The following SFMBT2 variants were observed in gnomAD, a reference collection of about 807,000 sequenced individuals.
The protein encoded by SFMBT2 is scm-like with four MBT domains protein 2.
A neutral mutation model predicts 110.1 loss-of-function variants in SFMBT2; 38 were observed. That is an observed-to-expected ratio of 0.35 (90% CI 0.27 to 0.45). The LOEUF (loss-of-function observed/expected upper bound fraction) is 0.45. Among genes scored for constraint, SFMBT2 ranks in the 20% least tolerant of loss-of-function variants. The pLI, the probability that SFMBT2 is intolerant of heterozygous loss-of-function variation, is 1.00. For synonymous variants in SFMBT2, 425 were observed against 425.4 expected (o/e 1.00, Z 0.01); for missense variants, 1,011 against 1,094.9 (o/e 0.92, Z 1.08).
At chr10:7,359,300 C>T (rs950691435) in intron 4 of SFMBT2, among the ~76,000 whole-genome samples, 9 of 152,214 alleles carry the variant, frequency 5.9e-5, no homozygotes, top group African/African-American at 2.2e-4. Flanking sequence ...CCGTGATCAT[C>T]TGAGCTGCAT....
Position 7,172,236 on chromosome 10 carries a change from C to T in SFMBT2, c.2152-78G>A, listed in dbSNP as rs975562882. The T allele has an allele frequency of 5.4e-6, 8 of 1,492,284 alleles. No individual in the cohort carries two copies. In the African/African-American group the frequency reaches 9.8e-5, roughly 18 times the overall value. 92.4% of individuals were successfully genotyped at this position (1,492,284 alleles called of 1,614,324 possible). ...GGTGGCCCCGCGGTCAGACCCTGGGCCCAGTGCAGACCACCTAGCAAACCC... is the reference window on the plus strand; with the variant it reads ...GGTGGCCCCGCGGTCAGACCCTGGGTCCAGTGCAGACCACCTAGCAAACCC... On this transcript the variant is annotated intron_variant, in intron 18 of 20. Transcript: ENST00000397167. This position sits in a 1 kb window ranked among gnomAD's most constrained non-coding sequence, Gnocchi z 4.6.
chr10:7,225,781 T>C (rs139800817), intron 10 of SFMBT2, among the ~76,000 whole-genome samples: 12 of 152,226 alleles, frequency 7.9e-5, no homozygotes, highest in African/African-American at 2.9e-4. Flanking sequence ...AGGATTTTCT[T>C]CCAAAAGTTA....
intron 4 of SFMBT2, among the ~76,000 whole-genome samples, chr10:7,344,958 CAAAAAAAAAAA>C (rs35145669): frequency 7.5e-5 from 4 of 53,244 alleles, no homozygotes; most frequent in African/African-American, 1.5e-4. Flanking sequence ...GACTCTGTCT[CAAAAAAAAAAA>C]AAAAAAAAAA....
At chr10:7,338,797 C>T (rs755871833) in intron 4 of SFMBT2, among the ~76,000 whole-genome samples, 15 of 152,226 alleles carry the variant, frequency 9.9e-5, no homozygotes, top group Non-Finnish European at 1.5e-4. Context: ...CATTCCCCAG[C>T]GGACACATCC....
chr10:7,349,440 C>CTTTTTTTTTTTTTTTTTTTTTTT lies in SFMBT2; in HGVS notation c.436+18186_436+18208dup, dbSNP rs369479041. On this transcript the variant is annotated intron_variant, in intron 4 of 20. Transcript: ENST00000397167. Reference sequence around the variant, plus strand: ...CCCTGACTCTTTTTTCTTTTCTTTTCTTTTTTTTTTTTTTTTTTTTTTTTT... The same window carrying CTTTTTTTTTTTTTTTTTTTTTTT: ...CCCTGACTCTTTTTTCTTTTCTTTTCTTTTTTTTTTTTTTTTTTTTTTTTTTTTTTTTTTTTTTTTTTTTTTTT... Among the ~76,000 whole-genome samples the CTTTTTTTTTTTTTTTTTTTTTTT allele has an allele frequency of 2.0e-3, 93 of 46,890 alleles. 25 individuals carry two copies. Among genetic ancestry groups the CTTTTTTTTTTTTTTTTTTTTTTT allele is most frequent in the Non-Finnish European group, 2.7e-3 (77 of 28,232 alleles). 30.8% of individuals were successfully genotyped at this position (46,890 alleles called of 152,430 possible).
At chr10:7,297,851 C>T (rs1842447270) in intron 4 of SFMBT2, among the ~76,000 whole-genome samples, 1 of 152,172 alleles carries the variant, frequency 6.6e-6, no homozygotes, top group African/African-American at 2.4e-5. Context: ...AATGTGGCCT[C>T]GACACCTGTA....
chr10:7,205,994 A>C lies in SFMBT2; in HGVS notation c.1331-66T>G, dbSNP rs1816937364. The C allele has an allele frequency of 5.6e-6, 9 of 1,593,646 alleles. No homozygotes were observed. The South Asian group carries it at 7.9e-5, about 14-fold the overall frequency. ...TTACCAACAAAGAAATAGAAGGACA[A>C]CAATAATAGAGCATCCCTAACATGG... is the stretch of plus-strand genomic sequence containing the variant. On this transcript the variant is annotated intron_variant, in intron 11 of 20. Transcript: ENST00000397167.
intron 11 of SFMBT2, among the ~76,000 whole-genome samples, chr10:7,208,405 T>C (rs866902812): frequency 6.6e-6 from 1 of 152,202 alleles, no homozygotes; most frequent in East Asian, 1.9e-4. Context: ...TCATTAAAAG[T>C]AGTACTTCAA....
chr10:7,298,369 C>T (rs1207212704), intron 4 of SFMBT2, among the ~76,000 whole-genome samples: 1 of 152,208 alleles, frequency 6.6e-6, no homozygotes, highest in African/African-American at 2.4e-5. Flanking sequence ...GATGCTCAGA[C>T]TCTCCATCCT....
At chr10:7,212,289 T>A (rs1839376201) in intron 11 of SFMBT2, among the ~76,000 whole-genome samples, 1 of 152,262 alleles carries the variant, frequency 6.6e-6, no homozygotes, top group African/African-American at 2.4e-5. Context: ...CAGTTCTTAA[T>A]GGACTGCTGT....
At chr10:7,311,173 T>C (rs1273424460) in intron 4 of SFMBT2, among the ~76,000 whole-genome samples, 2 of 150,928 alleles carry the variant, frequency 1.3e-5, no homozygotes, top group East Asian at 3.9e-4. Flanking sequence ...TCTTAAGATG[T>C]CCCATTATAC....
chr10:7,264,638 G>A (rs145428467), intron 7 of SFMBT2, among the ~76,000 whole-genome samples: 58 of 152,198 alleles, frequency 3.8e-4, no homozygotes, highest in Middle Eastern at 3.4e-3. Flanking sequence ...CAAATAAAAC[G>A]GAAATAAGCA....
At chr10:7,190,900 T>C (rs1399621624) in intron 15 of SFMBT2, among the ~76,000 whole-genome samples, 2 of 152,308 alleles carry the variant, frequency 1.3e-5, no homozygotes, top group Middle Eastern at 3.4e-3. Flanking sequence ...GGGAGGTAAT[T>C]GAATTGTAGG....
chr10:7,308,950 T>C (rs1313699751), intron 4 of SFMBT2, among the ~76,000 whole-genome samples: 1 of 152,280 alleles, frequency 6.6e-6, no homozygotes, highest in African/African-American at 2.4e-5. Flanking sequence ...GAAATGGATA[T>C]CCAAATGGCT....
chr10:7,317,748 C>A (rs536340963), intron 4 of SFMBT2, among the ~76,000 whole-genome samples: 1 of 151,480 alleles, frequency 6.6e-6, no homozygotes, highest in South Asian at 2.1e-4. Context: ...CTTGTGTGAA[C>A]CTGCGTAAGG....
At chr10:7,390,751 T>C (rs1339624523) in intron 1 of SFMBT2, among the ~76,000 whole-genome samples, 1 of 152,204 alleles carries the variant, frequency 6.6e-6, no homozygotes, top group Non-Finnish European at 1.5e-5. Flanking sequence ...AACTAGACAC[T>C]ACAGAACAGT....
At chr10:7,245,051 C>G (rs1268711494) in intron 8 of SFMBT2, among the ~76,000 whole-genome samples, 1 of 152,176 alleles carries the variant, frequency 6.6e-6, no homozygotes, top group African/African-American at 2.4e-5. Context: ...GCACGGCGAT[C>G]TGGCTCAGGG....
chr10:7,341,138 T>C (rs1041902135), intron 4 of SFMBT2, among the ~76,000 whole-genome samples: 3 of 152,226 alleles, frequency 2.0e-5, no homozygotes, highest in Non-Finnish European at 4.4e-5. Context: ...AGTATTAGCA[T>C]GGAATCAATT....
chr10:7,367,454 C>A lies in SFMBT2; in HGVS notation c.436+195G>T, dbSNP rs1019848846. Among the ~76,000 whole-genome samples the A allele has an allele frequency of 2.0e-5, 3 of 152,178 alleles. No individual in the cohort carries two copies. Among genetic ancestry groups the A allele is most frequent in the Non-Finnish European group, 2.9e-5 (2 of 68,042 alleles). On this transcript the variant is annotated intron_variant, in intron 4 of 20. Transcript: ENST00000397167. The surrounding 1 kb of genome is among the most constrained non-coding windows in gnomAD (Gnocchi z 6.2). ...GCCAAGTTTGGCTCCATTGTCAGCA[C>A]CAGCTCTGACATCTGAAAATGCACT... is the stretch of plus-strand genomic sequence containing the variant.
Sources: gnomAD v4.1 joint callset for allele counts (sites outside exome capture counted in the v4.1 genomes callset) on GRCh38, gnomAD v4.1.1 for gene constraint, Gnocchi (gnomAD v3.1) non-coding constraint, MANE v1.5 for transcripts, NCBI Gene and HGNC (gene_info 2026-07-23, HGNC 2026-07-21) for gene names.